SMC5: variants seen among roughly 807,000 people sequenced by gnomAD.
SMC5 encodes the protein structural maintenance of chromosomes protein 5.
A neutral mutation model predicts 148.3 loss-of-function variants in SMC5; 88 were observed. The observed-to-expected ratio is 0.59, with a 90% confidence interval of 0.50 to 0.71. The LOEUF is 0.71. Among genes scored for constraint, SMC5 ranks in the 30% least tolerant of loss-of-function variants. The pLI, the probability that SMC5 is intolerant of heterozygous loss-of-function variation, is 0.00. For missense variants in SMC5, 1,142 were observed against 1,298.9 expected (o/e 0.88, Z 1.86); for synonymous variants, 421 against 432.8 (o/e 0.97, Z 0.34).
In SMC5 at chr9:70,323,525, A is replaced by G. The variant is rs2035999628; in HGVS notation, c.2193A>G (p.Glu731=). ...MEQDTCNLEE[E]ERKASTKIKE... is the part of the protein sequence containing the mutation. ...AGGATACTTGCAATCTTGAAGAGGA[A>G]GAGCGAAAAGCAAGTACCAAAATCA... The change falls in exon 16 of 25, where the codon GAA becomes GAG. Residue 731 remains glutamate, a synonymous_variant. Coordinates refer to ENST00000361138, the MANE Select transcript of SMC5 (RefSeq NM_015110.4). The G allele has an allele frequency of 6.2e-7, 1 of 1,612,238 alleles. No individual in the cohort carries two copies. The highest frequency in any genetic ancestry group is 8.5e-7 in the Non-Finnish European group (1 of 1,179,568).
At chr9:70,300,326 C>A in intron 10 of SMC5, 126 bp downstream of exon 10, 1 of 764,984 alleles carries the variant, frequency 1.3e-6, no homozygotes, top group Non-Finnish European at 2.0e-6. Flanking sequence ...ATCTGGCATA[C>A]TGCTGAATCT....
intron 10 of SMC5, among the ~76,000 whole-genome samples, chr9:70,304,092 CTTTA>C (rs1307405044): frequency 6.6e-6 from 1 of 152,028 alleles, no homozygotes; most frequent in Non-Finnish European, 1.5e-5. Context: ...CATATTTTTA[CTTTA>C]TTTTACTTTT....
At chr9:70,265,172 A>G (rs560774144) in intron 2 of SMC5, among the ~76,000 whole-genome samples, 30 of 152,234 alleles carry the variant, frequency 2.0e-4, no homozygotes, top group African/African-American at 7.0e-4. Flanking sequence ...AAAAAATGAG[A>G]TCATTAAAAA....
chr9:70,319,898 G>T (rs2035902069), intron 15 of SMC5, among the ~76,000 whole-genome samples: 1 of 152,194 alleles, frequency 6.6e-6, no homozygotes, highest in Non-Finnish European at 1.5e-5. Flanking sequence ...GAATTGGGAA[G>T]CTGTCAAGCT....
chr9:70,350,596 A>G (rs1458423240), intron 24 of SMC5, 125 bp downstream of exon 24: 7 of 577,362 alleles, frequency 1.2e-5, no homozygotes, highest in Non-Finnish European at 2.1e-5. Flanking sequence ...TTAAAAGGTT[A>G]ACAGTAATAT....
chr9:70,305,628 C>T (rs915992070), intron 11 of SMC5, among the ~76,000 whole-genome samples: 4 of 152,116 alleles, frequency 2.6e-5, no homozygotes, highest in African/African-American at 4.8e-5. Context: ...GTAATTTTAT[C>T]ATGTTTTAAG....
At chr9:70,323,691 T>C in intron 16 of SMC5, 85 bp downstream of exon 16, 31 of 1,307,058 alleles carry the variant, frequency 2.4e-5, no homozygotes, top group Non-Finnish European at 2.7e-5. Context: ...GAGGGAAGGT[T>C]TTGATTAAGG....
At chr9:70,350,626 A>C (rs2036782683) in intron 24 of SMC5, among the ~76,000 whole-genome samples, 155 bp downstream of exon 24, 2 of 152,220 alleles carry the variant, frequency 1.3e-5, no homozygotes, top group South Asian at 4.1e-4. Context: ...TAAAGGGACA[A>C]ATTCCAGTGT....
intron 8 of SMC5, chr9:70,286,925 C>T (rs1295960103): frequency 2.0e-5 from 3 of 152,194 alleles, no homozygotes; most frequent in Admixed American, 2.0e-4. Flanking sequence ...CCGTGATGCC[C>T]AGGTTGGCCT....
chr9:70,318,741 G>T, intron 14 of SMC5, 53 bp from the exon 15 acceptor site: 1 of 1,556,492 alleles, frequency 6.4e-7, no homozygotes, highest in Non-Finnish European at 8.6e-7. Flanking sequence ...ATTTCTAATA[G>T]TTTCACTGGA....
chr9:70,310,096 C>T (rs901896668), intron 11 of SMC5, among the ~76,000 whole-genome samples: 3 of 152,218 alleles, frequency 2.0e-5, no homozygotes, highest in African/African-American at 7.2e-5. Context: ...GATCTGCCCA[C>T]CTCAGCCTCC....
intron 15 of SMC5, among the ~76,000 whole-genome samples, chr9:70,320,191 A>G (rs2035908388): frequency 6.6e-6 from 1 of 152,230 alleles, no homozygotes; most frequent in South Asian, 2.1e-4. Flanking sequence ...ATATACTACA[A>G]ATATTTAATA....
chr9:70,323,902 A>T, intron 16 of SMC5, 119 bp from the exon 17 acceptor site: 1 of 981,384 alleles, frequency 1.0e-6, no homozygotes, highest in Non-Finnish European at 1.5e-6. Context: ...GAGAGATGTC[A>T]GGCACAATAG....
rs1225597672 is a variant in SMC5, at chr9:70,346,674, C to T, written c.2568+25C>T. ...GGTATGCAGTACTCATTCTTTTTTC[C>T]CAAGCTCCTGTTTTCCCTCTGCCTT... is the stretch of plus-strand genomic sequence containing the variant. On this transcript the variant is annotated intron_variant, in intron 19 of 24. Transcript: ENST00000361138. 4.3e-6 allele frequency: 7 copies of T among 1,612,900 alleles called. No homozygotes were observed. The African/African-American group carries it at 9.3e-5, about 22-fold the overall frequency.
intron 2 of SMC5, among the ~76,000 whole-genome samples, chr9:70,267,094 T>C (rs2034311014): frequency 6.6e-6 from 1 of 151,894 alleles, no homozygotes; most frequent in Admixed American, 6.6e-5. Flanking sequence ...AAAATGAATG[T>C]ATACTTCAAG....
intron 10 of SMC5, among the ~76,000 whole-genome samples, chr9:70,301,710 G>A (rs2035362006): frequency 6.6e-6 from 1 of 152,060 alleles, no homozygotes; most frequent in African/African-American, 2.4e-5. Flanking sequence ...GATGCTGATT[G>A]GTTAAATAAG....
chr9:70,284,790 A>G (rs1471222240), intron 7 of SMC5, among the ~76,000 whole-genome samples: 1 of 152,174 alleles, frequency 6.6e-6, no homozygotes, highest in Non-Finnish European at 1.5e-5. Context: ...TAGCACCCAT[A>G]GCCTTGCAAC....
chr9:70,286,179 C>G, intron 7 of SMC5, 21 bp from the exon 8 acceptor site: 3 of 1,263,994 alleles, frequency 2.4e-6, no homozygotes, highest in Non-Finnish European at 3.4e-6. Context: ...GTCCCCCCCT[C>G]TCCCCGGTTT....
At chr9:70,299,576 T>C (rs1039198047) in intron 9 of SMC5, among the ~76,000 whole-genome samples, 2 of 152,118 alleles carry the variant, frequency 1.3e-5, no homozygotes, top group African/African-American at 2.4e-5. Context: ...TGGAGTACAT[T>C]TTCAGGTAAA....
Sources: allele counts gnomAD v4.1 joint callset (sites outside exome capture counted in the v4.1 genomes callset), GRCh38; gene constraint gnomAD v4.1.1; transcripts MANE v1.5; gene names NCBI Gene and HGNC (gene_info 2026-07-23, HGNC 2026-07-21).